Variants in MARCHF1 observed in about 807,000 individuals in gnomAD.
The protein encoded by MARCHF1 is E3 ubiquitin-protein ligase MARCHF1.
Under a neutral mutation model 54.2 loss-of-function variants are expected in MARCHF1, and 40 were observed. That is an observed-to-expected ratio of 0.74 (90% confidence interval 0.57 to 0.96). The LOEUF is 0.96. MARCHF1 is among the 40% of genes least tolerant of loss of function. The pLI is 0.00. For synonymous variants in MARCHF1, 236 were observed against 236.3 expected (o/e 1.00, Z 0.01); for missense variants, 586 against 656.5 (o/e 0.89, Z 1.17).
intron 1 of MARCHF1, among the ~76,000 whole-genome samples, chr4:164,198,709 C>T (rs1297272005): frequency 6.6e-6 from 1 of 152,170 alleles, no homozygotes; most frequent in Non-Finnish European, 1.5e-5. Flanking sequence ...GGAAACATGG[C>T]AGAAGCCTTG....
At chr4:164,028,116 G>A (rs1324802821) in intron 2 of MARCHF1, among the ~76,000 whole-genome samples, 2 of 152,186 alleles carry the variant, frequency 1.3e-5, no homozygotes, top group Non-Finnish European at 2.9e-5. Context: ...CTTATGCAGT[G>A]TTGGTGGGAA....
At chr4:163,991,115 T>C (rs1752960030) in intron 2 of MARCHF1, among the ~76,000 whole-genome samples, 1 of 152,174 alleles carries the variant, frequency 6.6e-6, no homozygotes, top group African/African-American at 2.4e-5. Context: ...ATTTAAAATA[T>C]AAATTGAATT....
intron 1 of MARCHF1, among the ~76,000 whole-genome samples, chr4:164,377,362 A>C (rs7668593): frequency 0.53 from 80,689 of 151,938 alleles, 22,202 homozygotes; most frequent in East Asian, 0.65. Context: ...GAAAAGAGAT[A>C]AACATAGTAC....
chr4:163,686,834 C>A (rs912764660), intron 5 of MARCHF1, among the ~76,000 whole-genome samples: 1 of 151,964 alleles, frequency 6.6e-6, no homozygotes, highest in African/African-American at 2.4e-5. Flanking sequence ...AATATGATAA[C>A]CAAATGAAAT....
intron 2 of MARCHF1, among the ~76,000 whole-genome samples, chr4:164,022,693 G>A (rs551069998): frequency 2.0e-5 from 3 of 152,306 alleles, no homozygotes; most frequent in East Asian, 1.9e-4. Context: ...GGCGGAGTGC[G>A]GCCATAGCTT....
At chr4:163,532,385 G>C (rs985672810) in intron 9 of MARCHF1, among the ~76,000 whole-genome samples, 11 of 151,776 alleles carry the variant, frequency 7.2e-5, no homozygotes, top group Non-Finnish European at 1.3e-4. Context: ...ATCTGCATGC[G>C]AATAAATGAG....
At chr4:163,856,825 A>T (rs1204719320) in intron 3 of MARCHF1, among the ~76,000 whole-genome samples, 1 of 152,026 alleles carries the variant, frequency 6.6e-6, no homozygotes, top group Non-Finnish European at 1.5e-5. Context: ...AGCCTGGCCA[A>T]CATGGTGAAA....
intron 1 of MARCHF1, among the ~76,000 whole-genome samples, chr4:164,313,393 G>T (rs7675835): frequency 0.14 from 21,099 of 147,934 alleles, 2,328 homozygotes; most frequent in East Asian, 0.42. Context: ...GATCCTCTTC[G>T]GATCATCTGA....
intron 4 of MARCHF1, among the ~76,000 whole-genome samples, chr4:163,823,103 T>C (rs28495783): frequency 1.0e-3 from 157 of 151,924 alleles, no homozygotes; most frequent in African/African-American, 3.5e-3. Context: ...CCTAACAAAA[T>C]TGGGAGAGTT....
rs145743296 is a variant in MARCHF1, at chr4:164,138,094, T to G, written c.-322-26432A>C. On this transcript the variant is annotated intron_variant, in intron 1 of 9. Transcript: ENST00000514618. ...TATCACAGTGGACCCCAGCAGCCAG[T>G]GAGCTGTTGGGAGGAGTGAGAGTAT... Among the ~76,000 whole-genome samples, 56 of 152,232 alleles carry G rather than the reference T, an allele frequency of 3.7e-4. 1 individual carries two copies. The East Asian group carries it at 8.7e-3, about 24-fold the overall frequency.
At chr4:164,237,457 T>C (rs887081830) in intron 1 of MARCHF1, among the ~76,000 whole-genome samples, 5 of 152,106 alleles carry the variant, frequency 3.3e-5, no homozygotes, top group Admixed American at 2.6e-4. Context: ...CTATTATCTG[T>C]AGGTGTTTTT....
chr4:164,129,519 TC>T (rs1410879371), intron 1 of MARCHF1, among the ~76,000 whole-genome samples: 12 of 152,140 alleles, frequency 7.9e-5, no homozygotes, highest in Non-Finnish European at 1.6e-4. Flanking sequence ...GAATAAATTA[TC>T]AAAAGGGATG....
intron 1 of MARCHF1, among the ~76,000 whole-genome samples, chr4:164,232,924 A>G (rs1732453375): frequency 6.6e-6 from 1 of 152,172 alleles, no homozygotes. Flanking sequence ...AACAGTGAAC[A>G]TGAGTTTTTC....
At chr4:164,257,557 C>A (rs1453133866) in intron 1 of MARCHF1, among the ~76,000 whole-genome samples, 1 of 150,958 alleles carries the variant, frequency 6.6e-6, no homozygotes, top group Non-Finnish European at 1.5e-5. Context: ...CTTTGAAAAA[C>A]CATGGGATAG....
chr4:164,342,971 C>T (rs934548015), intron 1 of MARCHF1, among the ~76,000 whole-genome samples: 1 of 151,896 alleles, frequency 6.6e-6, no homozygotes, highest in African/African-American at 2.4e-5. Flanking sequence ...GGGTGGTTAT[C>T]AAGGATTGGA....
At chr4:163,936,635 T>C (rs886962546) in intron 3 of MARCHF1, among the ~76,000 whole-genome samples, 2 of 152,170 alleles carry the variant, frequency 1.3e-5, no homozygotes, top group African/African-American at 4.8e-5. Context: ...GAGCAGGCAC[T>C]ACCCATCTGC....
At chr4:163,898,681 C>T (rs970359291) in intron 3 of MARCHF1, among the ~76,000 whole-genome samples, 1 of 152,136 alleles carries the variant, frequency 6.6e-6, no homozygotes, top group African/African-American at 2.4e-5. Flanking sequence ...AATCTCACTA[C>T]TGAGTATCTA....
rs116747146 is a variant in MARCHF1 at position 164,026,977 on chromosome 4, C to A, written c.-247-38268G>T. 8.2e-3 allele frequency among the ~76,000 whole-genome samples: 1,249 copies of A among 152,002 alleles called. 18 individuals are homozygous for A. The highest frequency in any genetic ancestry group is 0.028 in the African/African-American group (1,179 of 41,464). ...CTGAGAGTCAAATCAATAATATAAT[C>A]CCATTTACAATAGCCACAAAAAATG... On this transcript the variant is annotated intron_variant, in intron 2 of 9. Transcript: ENST00000514618.
chr4:164,111,021 T>C (rs1161398899), intron 2 of MARCHF1, among the ~76,000 whole-genome samples: 1 of 151,828 alleles, frequency 6.6e-6, no homozygotes, highest in South Asian at 2.1e-4. Context: ...GTGAAATAAA[T>C]AAGTGTTATA....
Sources: allele counts gnomAD v4.1 joint callset (sites outside exome capture counted in the v4.1 genomes callset), GRCh38; gene constraint gnomAD v4.1.1; transcripts MANE v1.5; gene names NCBI Gene and HGNC (gene_info 2026-07-23, HGNC 2026-07-21).